Variants in PCNX2 observed in about 807,000 individuals in gnomAD.
PCNX2 encodes the protein pecanex-like protein 2.
A neutral mutation model predicts 223.8 loss-of-function variants in PCNX2; 168 were observed. The ratio of observed to expected loss-of-function variants is 0.75; its 90% CI spans 0.66 to 0.85. The LOEUF (loss-of-function observed/expected upper bound fraction) is 0.85. Among genes scored for constraint, PCNX2 ranks in the 40% least tolerant of loss-of-function variants. The pLI is 0.00. For synonymous variants in PCNX2, 1,006 were observed against 1,052.6 expected (o/e 0.96, Z 0.86); for missense variants, 2,507 against 2,675.5 (o/e 0.94, Z 1.39).
In PCNX2 at chr1:233,032,641, T is replaced by C. The variant is rs552460430; in HGVS notation, c.4352-7242A>G. Among the ~76,000 whole-genome samples the C allele has an allele frequency of 2.3e-3, 353 of 151,940 alleles. 1 individual carries two copies. The highest frequency in any genetic ancestry group is 8.1e-3 in the African/African-American group (334 of 41,406). ...CTGATTGCATGAGTATGTGTGTGAG[T>C]CTGTGATCTGTGTATCCATGCACAT... is the stretch of plus-strand genomic sequence containing the variant. On this transcript the variant is annotated intron_variant, in intron 25 of 33. Coordinates refer to ENST00000258229, the MANE Select transcript of PCNX2 (RefSeq NM_014801.4).
intron 15 of PCNX2, among the ~76,000 whole-genome samples, chr1:233,192,164 A>G (rs1432555030): frequency 2.0e-5 from 3 of 152,234 alleles, no homozygotes; most frequent in Non-Finnish European, 2.9e-5. Flanking sequence ...TTTCTTGACT[A>G]TAAGACAAAA....
At chr1:233,131,235 T>A (rs1029107627) in intron 21 of PCNX2, among the ~76,000 whole-genome samples, 1 of 152,148 alleles carries the variant, frequency 6.6e-6, no homozygotes, top group Non-Finnish European at 1.5e-5. Context: ...GGACAAGACC[T>A]GTCATGAGCA....
chr1:233,184,299 A>T (rs1679973015), intron 15 of PCNX2, among the ~76,000 whole-genome samples: 2 of 152,006 alleles, frequency 1.3e-5, no homozygotes, highest in South Asian at 4.1e-4. Flanking sequence ...CGTTGAAATG[A>T]ATTGTTCTGT....
At position 233,194,068 on chromosome 1, in the gene PCNX2, T is replaced by TA. The variant is rs60627703; in HGVS notation, c.3066+4870dup. Among the ~76,000 whole-genome samples the TA allele has an allele frequency of 2.5e-3, 331 of 131,908 alleles. 1 individual carries two copies. The highest frequency in any genetic ancestry group is 0.01 in the South Asian group (41 of 4,092). The allele number at this position is 131,908 out of a possible 152,430, so 86.5% of individuals were successfully genotyped here. ...ACAGTTCAGAGAATCCTAAGTAAAA[T>TA]AAAAAAAAAAAACGCCATACACTTA... On this transcript the variant is annotated intron_variant, in intron 15 of 33. Transcript: ENST00000258229.
chr1:233,077,737 T>C (rs1040142791), intron 23 of PCNX2, among the ~76,000 whole-genome samples: 18 of 152,168 alleles, frequency 1.2e-4, no homozygotes, highest in Non-Finnish European at 2.4e-4. Context: ...AATATAAATA[T>C]TAAATTGCCC....
At chr1:233,272,497 G>A (rs1660692885) in intron 1 of PCNX2, among the ~76,000 whole-genome samples, 1 of 152,078 alleles carries the variant, frequency 6.6e-6, no homozygotes, top group Non-Finnish European at 1.5e-5. Flanking sequence ...AAAATAATAG[G>A]TGTTGTCAGG....
At chr1:233,197,930 G>A (rs1459166500) in intron 15 of PCNX2, among the ~76,000 whole-genome samples, 1 of 152,002 alleles carries the variant, frequency 6.6e-6, no homozygotes, top group Non-Finnish European at 1.5e-5. Context: ...AGGAGTACCT[G>A]TGGTTTAAAC....
chr1:233,293,302 T>G (rs1002624884), intron 1 of PCNX2, among the ~76,000 whole-genome samples: 4 of 152,148 alleles, frequency 2.6e-5, no homozygotes, highest in African/African-American at 9.7e-5. Flanking sequence ...AAAAGTATAG[T>G]GAGGTAGACT....
At chr1:233,019,325 T>A in intron 26 of PCNX2, 1 of 445,938 alleles carries the variant, frequency 2.2e-6, no homozygotes, top group Non-Finnish European at 3.0e-6. Context: ...AGACAATAAC[T>A]AGAATTCAGT....
At chr1:233,026,010 A>G (rs940571643) in intron 25 of PCNX2, among the ~76,000 whole-genome samples, 7 of 152,260 alleles carry the variant, frequency 4.6e-5, no homozygotes, top group African/African-American at 1.7e-4. Context: ...GAGTGCATCC[A>G]ATGCACTGTG....
At chr1:233,274,431 C>T (rs1572188035) in intron 1 of PCNX2, among the ~76,000 whole-genome samples, 1 of 152,296 alleles carries the variant, frequency 6.6e-6, no homozygotes, top group Non-Finnish European at 1.5e-5. Context: ...AAAATCAACC[C>T]TCCCCACAGT....
chr1:233,213,681 G>C (rs1681951857), intron 12 of PCNX2, among the ~76,000 whole-genome samples: 1 of 152,106 alleles, frequency 6.6e-6, no homozygotes, highest in African/African-American at 2.4e-5. Context: ...ACAAGCTGTA[G>C]CCCTCTTTGG....
At chr1:233,134,935 G>A (rs776744817) in intron 21 of PCNX2, 78 bp downstream of exon 21, 2 of 1,256,454 alleles carry the variant, frequency 1.6e-6, no homozygotes, top group East Asian at 2.3e-5. Flanking sequence ...TAAAGAATAA[G>A]TTTTAAACTC....
At chr1:233,087,491 G>C (rs534725437) in intron 23 of PCNX2, among the ~76,000 whole-genome samples, 1 of 152,152 alleles carries the variant, frequency 6.6e-6, no homozygotes, top group Non-Finnish European at 1.5e-5. Context: ...ACGGTAATTA[G>C]AACGGCCACA....
chr1:233,172,260 TA>T lies in PCNX2; in HGVS notation c.3273+5541del, dbSNP rs563862965. 279 of 774,130 alleles carry T rather than the reference TA, an allele frequency of 3.6e-4. 1 individual carries two copies. The African/African-American group carries it at 4.9e-3, about 14-fold the overall frequency. The allele number at this position is 774,130 out of a possible 1,614,324, so 48.0% of individuals were successfully genotyped here. On this transcript the variant is annotated intron_variant, in intron 17 of 33. Coordinates refer to ENST00000258229, the MANE Select transcript of PCNX2 (RefSeq NM_014801.4). ...TTTATAGTAAGCTGTGCATTTTCCC[TA>T]AAAAAACTGGTTTGGGAAACACTTG... is the stretch of plus-strand genomic sequence containing the variant.
intron 13 of PCNX2, among the ~76,000 whole-genome samples, chr1:233,203,612 C>T (rs1681261481): frequency 6.6e-6 from 1 of 152,186 alleles, no homozygotes; most frequent in African/African-American, 2.4e-5. Context: ...ATGTTTCTCT[C>T]CTTGCATTAT....
rs569408312 is a variant in PCNX2, at chr1:233,220,258, T to C, written c.2505-2074A>G. 9.8e-5 allele frequency among the ~76,000 whole-genome samples: 15 copies of C among 152,360 alleles called. No individual in the cohort carries two copies. In the East Asian group the frequency reaches 1.7e-3, roughly 18 times the overall value. Reference sequence around the variant, plus strand: ...TGTTACAAACATTCATGTGCAGTGTTTTGCATGGACGTATGTTTTCAACTC... The same window carrying C: ...TGTTACAAACATTCATGTGCAGTGTCTTGCATGGACGTATGTTTTCAACTC... On this transcript the variant is annotated intron_variant, in intron 10 of 33. Coordinates refer to ENST00000258229, the MANE Select transcript of PCNX2 (RefSeq NM_014801.4).
chr1:233,220,033 C>T (rs527242034), intron 10 of PCNX2, among the ~76,000 whole-genome samples: 1 of 152,272 alleles, frequency 6.6e-6, no homozygotes, highest in Non-Finnish European at 1.5e-5. Flanking sequence ...TGGAACCATA[C>T]GGTATGTAGC....
chr1:233,033,953 C>A (rs1313453176), intron 25 of PCNX2, among the ~76,000 whole-genome samples: 1 of 152,196 alleles, frequency 6.6e-6, no homozygotes, highest in Non-Finnish European at 1.5e-5. Flanking sequence ...GTGGCTCACA[C>A]CTGTAATCCC....
Sources: gnomAD v4.1 joint callset for allele counts (sites outside exome capture counted in the v4.1 genomes callset) on GRCh38, gnomAD v4.1.1 for gene constraint, MANE v1.5 for transcripts, NCBI Gene and HGNC (gene_info 2026-07-23, HGNC 2026-07-21) for gene names.